XKR6: variants seen among roughly 807,000 people sequenced by gnomAD.
XKR6 encodes the protein XK-related protein 6.
A neutral mutation model predicts 56.7 loss-of-function variants in XKR6; 22 were observed. The ratio of observed to expected loss-of-function variants is 0.39; its 90% CI spans 0.28 to 0.55. The LOEUF (loss-of-function observed/expected upper bound fraction) is 0.55. Among genes scored for constraint, XKR6 ranks in the 20% least tolerant of loss-of-function variants. XKR6 has a pLI of 0.66. For synonymous variants in XKR6, 524 were observed against 387.8 expected (o/e 1.35, Z -4.13); for missense variants, 852 against 889.0 (o/e 0.96, Z 0.53).
At chr8:11,134,037 C>A (rs564737413) in intron 1 of XKR6, among the ~76,000 whole-genome samples, 3 of 152,274 alleles carry the variant, frequency 2.0e-5, no homozygotes, top group East Asian at 1.9e-4. Context: ...AGGCCCACAG[C>A]CCTGAGCCCC....
rs566204277 is a variant in XKR6, at chr8:10,971,159, C to T, written c.765-46329G>A. On this transcript the variant is annotated intron_variant, in intron 1 of 2. Transcript: ENST00000416569. Reference sequence around the variant, plus strand: ...AAGCAGCGCCGGGCACGGTGGCTCACGCCTGTAATCCCAGCACTTTGGGAG... The same window carrying T: ...AAGCAGCGCCGGGCACGGTGGCTCATGCCTGTAATCCCAGCACTTTGGGAG... 3.7e-4 allele frequency among the ~76,000 whole-genome samples: 56 copies of T among 151,834 alleles called. No homozygotes were observed. In the South Asian group the frequency reaches 8.1e-3, roughly 22 times the overall value.
At chr8:11,097,463 C>T (rs767114425) in intron 1 of XKR6, among the ~76,000 whole-genome samples, 1 of 135,468 alleles carries the variant, frequency 7.4e-6, no homozygotes, top group Non-Finnish European at 1.6e-5. Context: ...ACACACAGGG[C>T]AATATTTTCT....
In XKR6 at chr8:11,043,129, G is replaced by A. The variant is rs537760912; in HGVS notation, c.765-118299C>T. 3.0e-3 allele frequency among the ~76,000 whole-genome samples: 459 copies of A among 152,168 alleles called. 5 individuals carry two copies. Among genetic ancestry groups the A allele is most frequent in the Non-Finnish European group, 3.6e-3 (243 of 67,988 alleles). On this transcript the variant is annotated intron_variant, in intron 1 of 2. Transcript: ENST00000416569. ...TCCCTAGGAACTCCATGCATTATGG[G>A]AGGATAAAATATTTAAACCTATACA...
Position 10,898,783 on chromosome 8 carries a change from G to C in XKR6, c.1095C>G (p.Leu365=). The change falls in exon 3 of 3, where the codon CTC becomes CTG. Residue 365 remains leucine (L), a synonymous_variant. Coordinates refer to ENST00000416569, the MANE Select transcript of XKR6 (RefSeq NM_173683.4). The surrounding 1 kb of genome is among the most constrained non-coding windows in gnomAD (Gnocchi z 6.6). The stretch of plus-strand genomic sequence containing the variant: ...AGATCACTCGGGATGAGATGGTGAA[G>C]AGGCGCCAGAAGACCTGGATGATGG... ...RGAIIQVFWR[L]FTISSRVISF... 2 of 1,614,176 alleles carry C rather than the reference G, an allele frequency of 1.2e-6. No homozygotes were observed. Among genetic ancestry groups the C allele is most frequent in the Non-Finnish European group, 1.7e-6 (2 of 1,180,034 alleles).
intron 1 of XKR6, among the ~76,000 whole-genome samples, chr8:10,932,467 C>A (rs893068998): frequency 1.4e-5 from 2 of 147,806 alleles, no homozygotes; most frequent in Non-Finnish European, 3.0e-5. Context: ...GGTACATGTG[C>A]ACATCGTGCA....
chr8:10,986,582 A>G (rs944436653), intron 1 of XKR6, among the ~76,000 whole-genome samples: 3 of 152,200 alleles, frequency 2.0e-5, no homozygotes, highest in African/African-American at 7.2e-5. Flanking sequence ...TTGAGCAAGA[A>G]AAAAGTGTGT....
intron 1 of XKR6, among the ~76,000 whole-genome samples, chr8:10,932,931 G>C (rs1332571984): frequency 6.8e-6 from 1 of 146,242 alleles, no homozygotes; most frequent in Non-Finnish European, 1.5e-5. Flanking sequence ...AGTCATTTGG[G>C]TATATACCCA....
intron 1 of XKR6, among the ~76,000 whole-genome samples, chr8:10,932,577 C>G (rs13248875): frequency 9.3e-6 from 1 of 107,806 alleles, no homozygotes; most frequent in South Asian, 4.0e-4. Flanking sequence ...CCTCCCCCCT[C>G]CCCCCACCCC....
chr8:10,915,450 G>A (rs767499818), intron 2 of XKR6, among the ~76,000 whole-genome samples: 1 of 152,096 alleles, frequency 6.6e-6, no homozygotes, highest in Non-Finnish European at 1.5e-5. Flanking sequence ...GTCCCGAGTT[G>A]CTACTTCATC....
In XKR6 at chr8:11,027,346, A is replaced by C. The variant is rs571126785; in HGVS notation, c.765-102516T>G. Among the ~76,000 whole-genome samples, 110 of 152,346 alleles carry C rather than the reference A, an allele frequency of 7.2e-4. 2 individuals are homozygous for C. Among genetic ancestry groups the C allele is most frequent in the Non-Finnish European group, 6.2e-4 (42 of 68,026 alleles). On this transcript the variant is annotated intron_variant, in intron 1 of 2. Coordinates refer to ENST00000416569, the MANE Select transcript of XKR6 (RefSeq NM_173683.4). ...GTTAAATAAAATATGTTATAGAATT[A>C]AAATTAATTTCATCTTACTTCTTTT...
In XKR6 at chr8:10,965,462, C is replaced by T. The variant is rs191009086; in HGVS notation, c.765-40632G>A. On this transcript the variant is annotated intron_variant, in intron 1 of 2. Coordinates refer to ENST00000416569, the MANE Select transcript of XKR6 (RefSeq NM_173683.4). ...GCTGACTGCTGCACCTAGCATGGCA[C>T]CTCGTGCGCAGAGAACATTTTGCTG... Among the ~76,000 whole-genome samples the T allele has an allele frequency of 5.1e-3, 771 of 152,354 alleles. 7 individuals carry two copies. The highest frequency in any genetic ancestry group is 6.6e-3 in the Non-Finnish European group (446 of 68,040).
intron 1 of XKR6, among the ~76,000 whole-genome samples, chr8:11,154,953 T>C (rs1240489871): frequency 6.6e-6 from 1 of 152,244 alleles, no homozygotes; most frequent in Non-Finnish European, 1.5e-5. Context: ...ACATGTCTAC[T>C]ACTCCTGGAA....
rs562139833 is a variant in XKR6, at chr8:11,014,654, T to G, written c.765-89824A>C. 1.2e-4 allele frequency among the ~76,000 whole-genome samples: 18 copies of G among 152,270 alleles called. No individual in the cohort carries two copies. In the South Asian group the frequency reaches 3.5e-3, roughly 30 times the overall value. ...GCTAACAAAATGTAGGTCCCATGAT[T>G]GAGGATCACTCAACACAGATATGGG... is the stretch of plus-strand genomic sequence containing the variant. On this transcript the variant is annotated intron_variant, in intron 1 of 2. Coordinates refer to ENST00000416569, the MANE Select transcript of XKR6 (RefSeq NM_173683.4).
intron 1 of XKR6, among the ~76,000 whole-genome samples, chr8:11,154,948 T>A (rs549807751): frequency 6.6e-6 from 1 of 152,328 alleles, no homozygotes; most frequent in South Asian, 2.1e-4. Context: ...TGACAACATG[T>A]CTACTACTCC....
intron 1 of XKR6, among the ~76,000 whole-genome samples, chr8:11,039,637 G>C (rs1297153263): frequency 3.3e-5 from 5 of 152,352 alleles, no homozygotes; most frequent in Admixed American, 2.6e-4. Context: ...AGAGGGGAGA[G>C]CCCGGCGGTA....
intron 2 of XKR6, among the ~76,000 whole-genome samples, chr8:10,912,137 G>A (rs1472877691): frequency 6.7e-6 from 1 of 148,214 alleles, no homozygotes; most frequent in East Asian, 2.0e-4. Flanking sequence ...GCTAGAGAGA[G>A]GTGTATATAT....
intron 1 of XKR6, chr8:11,107,664 C>G (rs1317978142): frequency 1.3e-5 from 2 of 152,604 alleles, no homozygotes; most frequent in Non-Finnish European, 2.9e-5. Flanking sequence ...AGCCCAAACA[C>G]AATACTTCAA....
chr8:11,006,870 T>G (rs1798381606), intron 1 of XKR6, among the ~76,000 whole-genome samples: 1 of 152,228 alleles, frequency 6.6e-6, no homozygotes, highest in East Asian at 1.9e-4. Context: ...GAAGCCCATC[T>G]CTATTCTAGC....
chr8:11,144,446 T>C (rs982835375), intron 1 of XKR6, among the ~76,000 whole-genome samples: 1 of 150,710 alleles, frequency 6.6e-6, no homozygotes, highest in African/African-American at 2.4e-5. Flanking sequence ...AAGCAGGAAG[T>C]AGACTCAAAA....
Sources: gnomAD v4.1 joint callset for allele counts (sites outside exome capture counted in the v4.1 genomes callset) on GRCh38, gnomAD v4.1.1 for gene constraint, Gnocchi (gnomAD v3.1) non-coding constraint, MANE v1.5 for transcripts, NCBI Gene and HGNC (gene_info 2026-07-23, HGNC 2026-07-21) for gene names.